PLCXD3: variants seen among roughly 807,000 people sequenced by gnomAD.
PLCXD3 encodes phosphatidylinositol specific phospholipase C X domain containing 3.
Under a neutral mutation model 25.5 loss-of-function variants are expected in PLCXD3, and 19 were observed. The observed-to-expected ratio is 0.75, with a 90% CI of 0.52 to 1.09. The LOEUF (loss-of-function observed/expected upper bound fraction) is 1.09. Among genes scored for constraint, PLCXD3 ranks in the 50% least tolerant of loss-of-function variants. PLCXD3 has a pLI of 0.00. For synonymous variants in PLCXD3, 174 were observed against 137.6 expected (o/e 1.26, Z -1.85); for missense variants, 411 against 388.1 (o/e 1.06, Z -0.50).
chr5:41,349,152 C>T (rs911552923), intron 2 of PLCXD3, among the ~76,000 whole-genome samples: 4 of 151,990 alleles, frequency 2.6e-5, no homozygotes, highest in African/African-American at 7.3e-5. Context: ...TGTGAAGACC[C>T]CTAGCTCTAT....
chr5:41,393,764 A>T (rs1745909293), intron 1 of PLCXD3, among the ~76,000 whole-genome samples: 1 of 150,926 alleles, frequency 6.6e-6, no homozygotes, highest in African/African-American at 2.5e-5. Context: ...CTAAAAATAC[A>T]AAAAAAGAAA....
chr5:41,328,558 A>G (rs976845206), intron 2 of PLCXD3, among the ~76,000 whole-genome samples: 1 of 152,188 alleles, frequency 6.6e-6, no homozygotes, highest in African/African-American at 2.4e-5. Flanking sequence ...CATCTAAAGT[A>G]AGTTGGTACA....
chr5:41,382,988 C>T (rs1745519543), intron 1 of PLCXD3, among the ~76,000 whole-genome samples: 1 of 152,064 alleles, frequency 6.6e-6, no homozygotes, highest in African/African-American at 2.4e-5. Context: ...ATGCCCTTTT[C>T]ACAGGCAATC....
rs1746687340 is a variant in PLCXD3, at chr5:41,416,170, A to C, written c.104-33636T>G. Among the ~76,000 whole-genome samples the C allele has an allele frequency of 2.6e-5, 4 of 152,328 alleles. No homozygotes were observed. The South Asian group carries it at 8.3e-4, about 32-fold the overall frequency. ...TTGGTCAAACCCAACTGTAACCTTG[A>C]GAACAAAGAAGCCCATTGATAAATC... On this transcript the variant is annotated intron_variant, in intron 1 of 2. Coordinates refer to ENST00000377801, the MANE Select transcript of PLCXD3 (RefSeq NM_001005473.3).
At chr5:41,500,569 C>A (rs565604909) in intron 1 of PLCXD3, among the ~76,000 whole-genome samples, 103 of 151,848 alleles carry the variant, frequency 6.8e-4, no homozygotes, top group Non-Finnish European at 1.3e-3. Context: ...TATATGCACA[C>A]ACACACACAC....
intron 2 of PLCXD3, among the ~76,000 whole-genome samples, chr5:41,325,593 T>C (rs1034031830): frequency 6.6e-6 from 1 of 152,218 alleles, no homozygotes; most frequent in African/African-American, 2.4e-5. Context: ...GTTTGGTGTC[T>C]GAAGAACTAA....
intron 2 of PLCXD3, among the ~76,000 whole-genome samples, chr5:41,343,465 G>A (rs1388704810): frequency 1.3e-5 from 2 of 152,090 alleles, no homozygotes; most frequent in Non-Finnish European, 2.9e-5. Context: ...AAGGAAAATT[G>A]TTTGCTTATA....
intron 1 of PLCXD3, among the ~76,000 whole-genome samples, chr5:41,471,384 C>T (rs1265530860): frequency 6.6e-6 from 1 of 152,174 alleles, no homozygotes; most frequent in African/African-American, 2.4e-5. Context: ...TGAGACATTG[C>T]ACTGAATGCA....
At chr5:41,503,802 T>G (rs1265216247) in intron 1 of PLCXD3, among the ~76,000 whole-genome samples, 2 of 152,160 alleles carry the variant, frequency 1.3e-5, no homozygotes, top group Non-Finnish European at 2.9e-5. Flanking sequence ...TTGAGGACAT[T>G]AATTTCAATG....
intron 1 of PLCXD3, among the ~76,000 whole-genome samples, chr5:41,499,478 C>G (rs898921895): frequency 1.3e-5 from 2 of 151,518 alleles, no homozygotes; most frequent in African/African-American, 4.8e-5. Context: ...CAAAACGTTG[C>G]AGAAAGAAAT....
chr5:41,332,318 A>T (rs1476059040), intron 2 of PLCXD3, among the ~76,000 whole-genome samples: 1 of 152,198 alleles, frequency 6.6e-6, no homozygotes, highest in Non-Finnish European at 1.5e-5. Context: ...GAAGACATTT[A>T]TGCAGCCAAA....
intron 1 of PLCXD3, among the ~76,000 whole-genome samples, chr5:41,423,543 G>A (rs1403502541): frequency 6.6e-6 from 1 of 151,842 alleles, no homozygotes; most frequent in Non-Finnish European, 1.5e-5. Context: ...TATTTTATTA[G>A]AAGAAATAGA....
At chr5:41,344,140 T>A (rs1447837054) in intron 2 of PLCXD3, among the ~76,000 whole-genome samples, 3 of 152,126 alleles carry the variant, frequency 2.0e-5, no homozygotes, top group African/African-American at 7.2e-5. Flanking sequence ...AAAACATGAA[T>A]AATACATTGG....
chr5:41,323,480 A>G (rs1743535625), intron 2 of PLCXD3, among the ~76,000 whole-genome samples: 1 of 152,216 alleles, frequency 6.6e-6, no homozygotes, highest in Non-Finnish European at 1.5e-5. Flanking sequence ...TGTACCCATA[A>G]ATATATACAC....
In PLCXD3 at chr5:41,310,728, A is replaced by C. The variant is rs1743116004; in HGVS notation, c.*2889T>G. ...CTCCCTTTTAGTAAACTCCCCCTCTAGCTGGAGGACCCATGGTTCCCTTCT... is the reference window on the plus strand; with the variant it reads ...CTCCCTTTTAGTAAACTCCCCCTCTCGCTGGAGGACCCATGGTTCCCTTCT... On this transcript the variant is annotated 3_prime_UTR_variant, in exon 3 of 3. Transcript: ENST00000377801. The C allele has an allele frequency of 6.6e-6, 1 of 152,650 alleles. No individual in the cohort carries two copies. Among genetic ancestry groups the C allele is most frequent in the African/African-American group, 2.4e-5 (1 of 41,436 alleles). 9.5% of individuals were successfully genotyped at this position (152,650 alleles called of 1,614,324 possible). A position where few individuals can be genotyped will look rare whatever the true frequency, so the allele number is the denominator to read the frequency against.
At chr5:41,467,937 A>T (rs1285301262) in intron 1 of PLCXD3, among the ~76,000 whole-genome samples, 1 of 151,004 alleles carries the variant, frequency 6.6e-6, no homozygotes, top group Non-Finnish European at 1.5e-5. Context: ...TTATGCAGGC[A>T]ACATGATGTT....
At chr5:41,488,955 T>C (rs1441763356) in intron 1 of PLCXD3, among the ~76,000 whole-genome samples, 2 of 152,088 alleles carry the variant, frequency 1.3e-5, no homozygotes, top group Non-Finnish European at 2.9e-5. Flanking sequence ...TTGTCAATTT[T>C]GTCTTTTGTT....
chr5:41,471,873 TTCCCC>T (rs1748172302), intron 1 of PLCXD3, among the ~76,000 whole-genome samples: 38 of 1,324 alleles, frequency 0.029, 8 homozygotes, highest in African/African-American at 0.055. Flanking sequence ...TTCCCTTCCC[TTCCCC>T]TCCCTTCCCC....
intron 1 of PLCXD3, among the ~76,000 whole-genome samples, chr5:41,458,603 G>A (rs953779771): frequency 6.6e-6 from 1 of 151,922 alleles, no homozygotes; most frequent in Admixed American, 6.6e-5. Context: ...ACAAAACAGC[G>A]GATTTAAAGT....
Sources: allele counts gnomAD v4.1 joint callset (sites outside exome capture counted in the v4.1 genomes callset), GRCh38; gene constraint gnomAD v4.1.1; transcripts MANE v1.5; gene names NCBI Gene and HGNC (gene_info 2026-07-23, HGNC 2026-07-21).